The following MYO3B variants were observed in gnomAD, a reference collection of about 807,000 sequenced individuals.
MYO3B encodes myosin IIIB, also known as myosin-IIIb.
MYO3B carries 156 observed loss-of-function variants against 174.6 expected under a neutral mutation model. The observed-to-expected ratio is 0.89, with a 90% CI of 0.78 to 1.02. The LOEUF (loss-of-function observed/expected upper bound fraction) is 1.02. MYO3B is among the 50% of genes least tolerant of loss of function. The pLI is 0.00. For missense variants in MYO3B, 1,632 were observed against 1,639.4 expected (o/e 1.00, Z 0.08); for synonymous variants, 563 against 569.1 (o/e 0.99, Z 0.15).
chr2:170,572,649 C>T (rs1050947521), intron 32 of MYO3B, among the ~76,000 whole-genome samples: 1 of 151,708 alleles, frequency 6.6e-6, no homozygotes, highest in Non-Finnish European at 1.5e-5. Flanking sequence ...CCTCCTCCCA[C>T]CAACAGCATA....
At chr2:170,294,528 C>A (rs1394054942) in intron 7 of MYO3B, among the ~76,000 whole-genome samples, 2 of 151,730 alleles carry the variant, frequency 1.3e-5, no homozygotes. Flanking sequence ...TGTGTGAATT[C>A]AATTTTATAT....
intron 32 of MYO3B, among the ~76,000 whole-genome samples, chr2:170,617,769 C>T (rs1695561663): frequency 6.6e-6 from 1 of 152,172 alleles, no homozygotes; most frequent in South Asian, 2.1e-4. Flanking sequence ...TGTTGACAAT[C>T]TCTGTGACCT....
chr2:170,471,069 G>C (rs1248943467), intron 25 of MYO3B, among the ~76,000 whole-genome samples: 1 of 139,794 alleles, frequency 7.2e-6, no homozygotes, highest in Admixed American at 7.3e-5. Context: ...TTTCTTCTTT[G>C]AGATGGAGTC....
At chr2:170,192,622 C>A (rs1205733714) in intron 1 of MYO3B, among the ~76,000 whole-genome samples, 34 of 150,788 alleles carry the variant, frequency 2.3e-4, no homozygotes. Flanking sequence ...TCTATTTCTA[C>A]CTTTTTGAAT....
intron 8 of MYO3B, chr2:170,342,238 C>G (rs1318210504): frequency 6.6e-6 from 1 of 152,178 alleles, no homozygotes; most frequent in Non-Finnish European, 1.5e-5. Context: ...TTTGTAGCTG[C>G]TGTGGATTCA....
At chr2:170,236,469 C>CT (rs2093071738) in intron 7 of MYO3B, among the ~76,000 whole-genome samples, 1 of 152,088 alleles carries the variant, frequency 6.6e-6, no homozygotes, top group South Asian at 2.1e-4. Flanking sequence ...CTAGTGTTTT[C>CT]TTTTTAATTA....
chr2:170,536,437 A>G (rs1267557652), intron 30 of MYO3B, among the ~76,000 whole-genome samples: 1 of 152,258 alleles, frequency 6.6e-6, no homozygotes, highest in African/African-American at 2.4e-5. Flanking sequence ...GGTGGGATGC[A>G]GTGCATGCAT....
At chr2:170,590,594 A>ATTT (rs111705221) in intron 32 of MYO3B, among the ~76,000 whole-genome samples, 16 of 140,590 alleles carry the variant, frequency 1.1e-4, no homozygotes, top group Non-Finnish European at 1.6e-4. Flanking sequence ...TGATTGATTG[A>ATTT]TTTTTTTTTT....
chr2:170,213,756 A>G (rs1249322243), intron 3 of MYO3B, among the ~76,000 whole-genome samples: 1 of 152,264 alleles, frequency 6.6e-6, no homozygotes, highest in Non-Finnish European at 1.5e-5. Context: ...AAGAGAGAAG[A>G]GCATAAAGTT....
chr2:170,475,490 A>G (rs573992789), intron 25 of MYO3B, among the ~76,000 whole-genome samples: 3 of 152,280 alleles, frequency 2.0e-5, no homozygotes, highest in Admixed American at 1.3e-4. Flanking sequence ...GGCTCAAGCT[A>G]TCTATCCTCC....
chr2:170,186,597 C>A (rs780782351), intron 1 of MYO3B, among the ~76,000 whole-genome samples: 1 of 152,008 alleles, frequency 6.6e-6, no homozygotes, highest in South Asian at 2.1e-4. Context: ...TTTTGATGTG[C>A]CTTTGTCAGG....
At chr2:170,525,055 A>G (rs1206793895) in intron 30 of MYO3B, among the ~76,000 whole-genome samples, 1 of 152,132 alleles carries the variant, frequency 6.6e-6, no homozygotes, top group Non-Finnish European at 1.5e-5. Context: ...CATTGTTTAA[A>G]TCTTAAATCA....
chr2:170,378,978 C>T (rs1397971952), intron 9 of MYO3B, among the ~76,000 whole-genome samples: 1 of 152,180 alleles, frequency 6.6e-6, no homozygotes, highest in Non-Finnish European at 1.5e-5. Flanking sequence ...ATAGCTGCTC[C>T]ATGCATTCTG....
At chr2:170,513,094 C>T (rs1034991405) in intron 28 of MYO3B, among the ~76,000 whole-genome samples, 5 of 152,084 alleles carry the variant, frequency 3.3e-5, no homozygotes, top group Non-Finnish European at 7.4e-5. Context: ...TCCCCGCACA[C>T]CCCAGCCAAA....
intron 32 of MYO3B, among the ~76,000 whole-genome samples, chr2:170,632,855 C>A (rs917491962): frequency 1.3e-5 from 2 of 152,108 alleles, no homozygotes; most frequent in African/African-American, 4.8e-5. Context: ...ACTATAAACA[C>A]CTCTATGCAA....
At chr2:170,385,559 T>G (rs2094367641) in intron 12 of MYO3B, among the ~76,000 whole-genome samples, 1 of 152,108 alleles carries the variant, frequency 6.6e-6, no homozygotes, top group African/African-American at 2.4e-5. Context: ...CTCCTAGAAA[T>G]GAATGATAAA....
At chr2:170,619,444 C>T (rs1316117778) in intron 32 of MYO3B, among the ~76,000 whole-genome samples, 1 of 152,166 alleles carries the variant, frequency 6.6e-6, no homozygotes, top group East Asian at 1.9e-4. Flanking sequence ...CAGGGGGTCT[C>T]CCTGCAGCTT....
intron 28 of MYO3B, among the ~76,000 whole-genome samples, chr2:170,505,992 CA>C (rs1360681348): frequency 1.3e-5 from 2 of 152,270 alleles, no homozygotes; most frequent in African/African-American, 4.8e-5. Flanking sequence ...GCCAAAAACA[CA>C]GATGTTATCA....
At chr2:170,203,228 C>T (rs529718130) in intron 3 of MYO3B, among the ~76,000 whole-genome samples, 2 of 152,192 alleles carry the variant, frequency 1.3e-5, no homozygotes, top group South Asian at 4.2e-4. Flanking sequence ...AGAAAAAATA[C>T]CTAACATGTG....
Sources: allele counts gnomAD v4.1 joint callset (sites outside exome capture counted in the v4.1 genomes callset), GRCh38; gene constraint gnomAD v4.1.1; transcripts MANE v1.5; gene names NCBI Gene and HGNC (gene_info 2026-07-23, HGNC 2026-07-21).